Variants in IWS1 observed in about 807,000 individuals in gnomAD.
IWS1 encodes interacts with SUPT6H, CTD assembly factor 1, also known as protein IWS1 homolog.
A neutral mutation model predicts 86.7 loss-of-function variants in IWS1; 27 were observed. The ratio of observed to expected loss-of-function variants is 0.31; its 90% CI spans 0.23 to 0.43. IWS1 has a LOEUF of 0.43. Ranked by LOEUF, IWS1 falls within the 20% of genes least tolerant of loss-of-function variation. The pLI, the probability that IWS1 is intolerant of heterozygous loss-of-function variation, is 1.00. For synonymous variants in IWS1, 313 were observed against 335.1 expected (o/e 0.93, Z 0.72); for missense variants, 827 against 1,000.8 (o/e 0.83, Z 2.34).
intron 7 of IWS1, among the ~76,000 whole-genome samples, chr2:127,495,299 G>A (rs1381625503): frequency 6.6e-6 from 1 of 152,152 alleles, no homozygotes; most frequent in East Asian, 1.9e-4. Context: ...TTTTCCAGGT[G>A]TGAGGTTATA....
intron 2 of IWS1, chr2:127,506,604 T>C (rs1691164114): frequency 6.1e-6 from 1 of 163,432 alleles, no homozygotes; most frequent in Admixed American, 6.5e-5. Flanking sequence ...AAGTACCCAC[T>C]AAGAGCCAAT....
chr2:127,506,760 C>T (rs1691171828), intron 2 of IWS1: 1 of 168,590 alleles, frequency 5.9e-6, no homozygotes, highest in Non-Finnish European at 1.5e-5. Flanking sequence ...GAACATGATT[C>T]ATCTAACTAT....
chr2:127,497,016 G>A (rs1690547670), intron 6 of IWS1, among the ~76,000 whole-genome samples: 1 of 152,204 alleles, frequency 6.6e-6, no homozygotes, highest in South Asian at 2.1e-4. Context: ...TACAGCCTAG[G>A]TGGGTAGTAG....
intron 13 of IWS1, among the ~76,000 whole-genome samples, chr2:127,481,643 G>C (rs1689634638): frequency 6.6e-6 from 1 of 152,182 alleles, no homozygotes; most frequent in Non-Finnish European, 1.5e-5. Flanking sequence ...AATGAGGTTA[G>C]ATGATTAGTG....
chr2:127,480,943 C>T lies in IWS1; in HGVS notation c.*101G>A. The T allele has an allele frequency of 7.7e-7, 1 of 1,303,174 alleles. No individual in the cohort carries two copies. The highest frequency in any genetic ancestry group is 2.4e-5 in the East Asian group (1 of 41,360). The allele number at this position is 1,303,174 out of a possible 1,614,324, so 80.7% of individuals were successfully genotyped here. A position where few individuals can be genotyped will look rare whatever the true frequency, so the allele number is the denominator to read the frequency against. ...ATGACAACATCTGATACACGCTGAA[C>T]CATTTACAGACACACTAAAAATGTT... is the stretch of plus-strand genomic sequence containing the variant. On this transcript the variant is annotated 3_prime_UTR_variant, in exon 14 of 14. Transcript: ENST00000295321.
At chr2:127,496,532 G>A (rs1690519829) in intron 6 of IWS1, among the ~76,000 whole-genome samples, 2 of 134,168 alleles carry the variant, frequency 1.5e-5, no homozygotes, top group South Asian at 2.3e-4. Flanking sequence ...CTCTAAACAG[G>A]TGTACCATAT....
intron 2 of IWS1, among the ~76,000 whole-genome samples, chr2:127,509,692 A>G (rs1691339512): frequency 7.9e-6 from 1 of 127,158 alleles, no homozygotes; most frequent in Admixed American, 1.0e-4. Context: ...TATGTGACAG[A>G]GCAACACTCC....
chr2:127,505,979 CA>C lies in IWS1; in HGVS notation c.151-228del, dbSNP rs547330334. On this transcript the variant is annotated intron_variant, in intron 2 of 13. Coordinates refer to ENST00000295321, the MANE Select transcript of IWS1 (RefSeq NM_017969.3). The surrounding 1 kb of genome is among the most constrained non-coding windows in gnomAD (Gnocchi z 5.0). ...GAAATATAACCAGCCTTCATCAAAA[CA>C]GATTTGTAAAGCATGCCCTCAGATT... 3.8e-3 allele frequency among the ~76,000 whole-genome samples: 573 copies of C among 152,262 alleles called. 4 individuals carry two copies. The highest frequency in any genetic ancestry group is 0.013 in the African/African-American group (539 of 41,552).
upstream of IWS1, chr2:127,526,557 C>A (rs1692433579): frequency 7.0e-7 from 1 of 1,427,214 alleles, no homozygotes; most frequent in African/African-American, 1.4e-5. Context: ...TGAGAAGACG[C>A]AACAGCAATG....
chr2:127,493,914 A>G lies in IWS1; in HGVS notation c.1800-504T>C, dbSNP rs566076583. On this transcript the variant is annotated intron_variant, in intron 8 of 13. Transcript: ENST00000295321. ...ACTGGAATCAGTTATGTTAATAGAAAAGATAACATTATATACATAAAACCT... is the reference window on the plus strand; with the variant it reads ...ACTGGAATCAGTTATGTTAATAGAAGAGATAACATTATATACATAAAACCT... Among the ~76,000 whole-genome samples, 7 of 152,226 alleles carry G rather than the reference A, an allele frequency of 4.6e-5. No individual in the cohort carries two copies. In the East Asian group the frequency reaches 1.3e-3, roughly 29 times the overall value.
At chr2:127,501,070 C>T (rs1690775996) in intron 5 of IWS1, among the ~76,000 whole-genome samples, 1 of 152,170 alleles carries the variant, frequency 6.6e-6, no homozygotes, top group Admixed American at 6.5e-5. Context: ...AGTCAATACT[C>T]ATTTAGACTT....
At chr2:127,495,260 G>A (rs186348146) in intron 7 of IWS1, among the ~76,000 whole-genome samples, 1 of 152,238 alleles carries the variant, frequency 6.6e-6, no homozygotes, top group Admixed American at 6.5e-5. Flanking sequence ...TTAAAACTGG[G>A]AAATTCTGGT....
At chr2:127,519,490 T>C (rs576142070) in intron 2 of IWS1, among the ~76,000 whole-genome samples, 40 of 151,304 alleles carry the variant, frequency 2.6e-4, no homozygotes, top group Admixed American at 1.3e-3. Context: ...TGTGTGTGTG[T>C]GCGTGTGTGT....
chr2:127,504,362 G>T (rs762742695), intron 3 of IWS1, among the ~76,000 whole-genome samples: 48 of 152,032 alleles, frequency 3.2e-4, no homozygotes, highest in Non-Finnish European at 6.2e-4. Context: ...TACAGTTAGG[G>T]GTTTTTATGT....
intron 13 of IWS1, among the ~76,000 whole-genome samples, chr2:127,481,636 G>T (rs1369906088): frequency 6.6e-6 from 1 of 152,202 alleles, no homozygotes; most frequent in Non-Finnish European, 1.5e-5. Flanking sequence ...CATAATAAAT[G>T]AGGTTAGATG....
Position 127,526,423 on chromosome 2 carries a change from CG to C in IWS1, c.-216del. ...GAAAAGGCCGTACCCGGCAGGCTGGCGGGCGGGCAGGCATGCGAGCCGGCGT... is the reference window on the plus strand; with the variant it reads ...GAAAAGGCCGTACCCGGCAGGCTGGCGGCGGGCAGGCATGCGAGCCGGCGT... On this transcript the variant is annotated 5_prime_UTR_variant, in exon 1 of 14. The change abolishes the stop of an existing upstream ORF in the 5' untranslated region. Transcript: ENST00000295321. 6.5e-7 allele frequency: 1 copy of C among 1,535,494 alleles called. No individual in the cohort carries two copies.
rs556060487 is a variant in IWS1, at chr2:127,494,962, G to GA, written c.1717-9dup. 87 of 1,532,690 alleles carry GA rather than the reference G, an allele frequency of 5.7e-5. No homozygotes were observed. The highest frequency in any genetic ancestry group is 1.8e-4 in the South Asian group (14 of 78,732). The allele number at this position is 1,532,690 out of a possible 1,614,324, so 94.9% of individuals were successfully genotyped here. A position where few individuals can be genotyped will look rare whatever the true frequency, so the allele number is the denominator to read the frequency against. On this transcript the variant is annotated splice_polypyrimidine_tract_variant and intron_variant, in intron 7 of 13. Transcript: ENST00000295321. Reference sequence around the variant, plus strand: ...GTTCAACTGTCTGTCTTCCTATTCAGAAAAAAAATAAAGATTTTTTTTTAA... The same window carrying GA: ...GTTCAACTGTCTGTCTTCCTATTCAGAAAAAAAAATAAAGATTTTTTTTTAA...
chr2:127,513,624 C>G (rs1691594901), intron 2 of IWS1, among the ~76,000 whole-genome samples: 1 of 152,082 alleles, frequency 6.6e-6, no homozygotes, highest in Non-Finnish European at 1.5e-5. Flanking sequence ...TCGCAAGGTT[C>G]TTCTAAATCT....
intron 6 of IWS1, among the ~76,000 whole-genome samples, chr2:127,496,992 G>T (rs1301248306): frequency 6.6e-6 from 1 of 152,190 alleles, no homozygotes; most frequent in Non-Finnish European, 1.5e-5. Flanking sequence ...CCCTAGGTGC[G>T]ATAGGTTTTA....
Sources: gnomAD v4.1 joint callset for allele counts (sites outside exome capture counted in the v4.1 genomes callset) on GRCh38, gnomAD v4.1.1 for gene constraint, Gnocchi (gnomAD v3.1) non-coding constraint, MANE v1.5 for transcripts, NCBI Gene and HGNC (gene_info 2026-07-23, HGNC 2026-07-21) for gene names.